CEP95: variants seen among roughly 807,000 people sequenced by gnomAD.
The protein encoded by CEP95 is centrosomal protein 95.
CEP95 carries 98 observed loss-of-function variants against 111.2 expected under a neutral mutation model. The ratio of observed to expected loss-of-function variants is 0.88; its 90% CI spans 0.75 to 1.04. The LOEUF is 1.04. Ranked by LOEUF, CEP95 falls within the 50% of genes least tolerant of loss-of-function variation. CEP95 has a pLI of 0.00. For missense variants in CEP95, 1,027 were observed against 977.2 expected (o/e 1.05, Z -0.68); for synonymous variants, 323 against 327.1 (o/e 0.99, Z 0.14).
In CEP95 at chr17:64,507,400, C is replaced by T. The variant is rs2055893177; in HGVS notation, c.19+284C>T. On this transcript the variant is annotated intron_variant, in intron 1 of 19. Coordinates refer to ENST00000556440, the MANE Select transcript of CEP95 (RefSeq NM_138363.3). ...AAAGAGCGGTCAGAAGGGTCGTCCCCGGACTTGTCTTTCTGTGGGGCGTCT... is the reference window on the plus strand; with the variant it reads ...AAAGAGCGGTCAGAAGGGTCGTCCCTGGACTTGTCTTTCTGTGGGGCGTCT... The T allele has an allele frequency of 1.1e-5, 15 of 1,376,588 alleles. No homozygotes were observed. The South Asian group carries it at 2.4e-4, about 22-fold the overall frequency. The allele number at this position is 1,376,588 out of a possible 1,614,324, so 85.3% of individuals were successfully genotyped here.
At chr17:64,521,257 G>C (rs1967313286) in intron 6 of CEP95, 145 bp from the exon 7 acceptor site, 1 of 606,298 alleles carries the variant, frequency 1.6e-6, no homozygotes, top group South Asian at 2.1e-5. Context: ...ATAATAATTG[G>C]TATTTTGAGC....
At chr17:64,510,136 C>A in intron 2 of CEP95, 37 bp from the exon 3 acceptor site, 1 of 1,279,420 alleles carries the variant, frequency 7.8e-7, no homozygotes, top group Non-Finnish European at 1.1e-6. Flanking sequence ...CTTGGCCTCT[C>A]ATGGATACAA....
At position 64,527,168 on chromosome 17, in the gene CEP95, A is replaced by C; in HGVS notation, c.1210A>C (p.Asn404His). Residue 404 changes from asparagine (N) to histidine (H), a missense_variant, in exon 11 of 20, where the codon AAT (asparagine) becomes CAT (histidine). By Grantham distance (68) the Asn-to-His change is moderately conservative. Coordinates refer to ENST00000556440, the MANE Select transcript of CEP95 (RefSeq NM_138363.3). ...IKEKTDHKEE[N>H]TGNEEVEDGT... ...AGAAAAGACTGACCATAAAGAAGAA[A>C]ATACTGGAAATGAGGAGGTAGAGGA... The C allele has an allele frequency of 3.7e-6, 6 of 1,613,610 alleles. No individual in the cohort carries two copies. Among genetic ancestry groups the C allele is most frequent in the Non-Finnish European group, 5.1e-6 (6 of 1,179,632 alleles).
intron 19 of CEP95, 144 bp from the exon 20 acceptor site, chr17:64,537,459 T>G (rs1968736164): frequency 7.2e-7 from 1 of 1,386,542 alleles, no homozygotes; most frequent in Non-Finnish European, 9.3e-7. Flanking sequence ...ATTTTAACTT[T>G]AGTTAGGTCT....
rs575945446 is a variant in CEP95, at chr17:64,522,260, CACATA to C, written c.716-432_716-428del. Among the ~76,000 whole-genome samples, 27 of 152,266 alleles carry C rather than the reference CACATA, an allele frequency of 1.8e-4. No individual in the cohort carries two copies. The South Asian group carries it at 4.2e-3, about 23-fold the overall frequency. On this transcript the variant is annotated intron_variant, in intron 7 of 19. Coordinates refer to ENST00000556440, the MANE Select transcript of CEP95 (RefSeq NM_138363.3). The stretch of plus-strand genomic sequence containing the variant: ...TTTGTAACGTGGACGAACCATAATT[CACATA>C]ACATAACATTCTTCAAGCCATTTAA...
rs1967057638 is a variant in CEP95, at chr17:64,518,579, C to G, written c.474-742C>G. 2.0e-5 allele frequency among the ~76,000 whole-genome samples: 3 copies of G among 152,182 alleles called. No individual in the cohort carries two copies. The South Asian group carries it at 6.2e-4, about 31-fold the overall frequency. Reference sequence around the variant, plus strand: ...CACTTCTTGCTAACTAGAGGTTGAGCATAATGCTATGTCTTCATGGTTCGA... The same window carrying G: ...CACTTCTTGCTAACTAGAGGTTGAGGATAATGCTATGTCTTCATGGTTCGA... On this transcript the variant is annotated intron_variant, in intron 5 of 19. Transcript: ENST00000556440.
chr17:64,512,520 T>C (rs2038950461), intron 3 of CEP95, among the ~76,000 whole-genome samples: 1 of 152,202 alleles, frequency 6.6e-6, no homozygotes, highest in Non-Finnish European at 1.5e-5. Context: ...GAATGATTAT[T>C]CCAGTAAGTT....
chr17:64,527,866 GTGTGTATATA>G (rs1419393290), intron 11 of CEP95, among the ~76,000 whole-genome samples: 1 of 124,226 alleles, frequency 8.0e-6, no homozygotes, highest in African/African-American at 3.1e-5. Flanking sequence ...GTGTGTGTGT[GTGTGTATATA>G]TATATATATA....
chr17:64,528,029 G>A (rs1302034824), intron 11 of CEP95, among the ~76,000 whole-genome samples: 2 of 151,900 alleles, frequency 1.3e-5, no homozygotes, highest in East Asian at 3.9e-4. Context: ...TCTCCATCTA[G>A]TAGGATTGCT....
At chr17:64,507,547 T>G in intron 1 of CEP95, 2 of 1,066,118 alleles carry the variant, frequency 1.9e-6, no homozygotes, top group Non-Finnish European at 2.3e-6. Flanking sequence ...AATAGTAGAA[T>G]ATGCCCCTGT....
Position 64,534,698 on chromosome 17 carries a change from G to A in CEP95, c.2031G>A (p.Leu677=), listed in dbSNP as rs1555681178. Residue 677 remains leucine (L), a synonymous_variant, in exon 17 of 20, where the codon TTG becomes TTA. Transcript: ENST00000556440. ...ATTATGATGATTATAGAGTTCAGTT[G>A]TGTGCAAAAATGATGAGAATGAGGA... ...RKYYDDYRVQ[L]CAKMMRMRTR... 7.4e-6 allele frequency: 12 copies of A among 1,613,100 alleles called. No individual in the cohort carries two copies. The South Asian group carries it at 1.3e-4, about 18-fold the overall frequency.
chr17:64,536,375 G>A (rs1968655368), intron 17 of CEP95: 2 of 288,850 alleles, frequency 6.9e-6, no homozygotes, highest in Non-Finnish European at 1.3e-5. Flanking sequence ...CTTGAGCCTG[G>A]GAGGTCAAGG....
chr17:64,531,723 A>G (rs1380817725), intron 13 of CEP95, among the ~76,000 whole-genome samples, 167 bp from the exon 14 acceptor site: 1 of 152,212 alleles, frequency 6.6e-6, no homozygotes, highest in Non-Finnish European at 1.5e-5. Flanking sequence ...GAGTAAATGA[A>G]TATTAACCAG....
chr17:64,524,604 C>T (rs1378198630), intron 8 of CEP95, among the ~76,000 whole-genome samples: 1 of 152,016 alleles, frequency 6.6e-6, no homozygotes, highest in Non-Finnish European at 1.5e-5. Context: ...AATCACCATA[C>T]CCAGCCTACT....
At chr17:64,509,210 C>G (rs551968384) in intron 2 of CEP95, among the ~76,000 whole-genome samples, 1 of 152,190 alleles carries the variant, frequency 6.6e-6, no homozygotes, top group Non-Finnish European at 1.5e-5. Context: ...CGCATATGTC[C>G]TTTCATCTTG....
chr17:64,520,521 G>C (rs550407206), intron 6 of CEP95: 1 of 148,198 alleles, frequency 6.7e-6, no homozygotes, highest in African/African-American at 2.5e-5. Flanking sequence ...GTGCGGTGGC[G>C]CAATCTCGGC....
intron 6 of CEP95, 83 bp downstream of exon 6, chr17:64,519,519 T>G: frequency 9.9e-7 from 1 of 1,007,294 alleles, no homozygotes; most frequent in East Asian, 2.4e-5. Flanking sequence ...TGTTTAAAAT[T>G]GAGAAGAATA....
intron 16 of CEP95, chr17:64,534,256 T>C (rs1016126273): frequency 9.5e-5 from 24 of 252,222 alleles, no homozygotes; most frequent in African/African-American, 5.2e-4. Context: ...TGCTTGAAAG[T>C]CTGGGTGTGC....
intron 16 of CEP95, chr17:64,534,292 C>T: frequency 3.3e-6 from 1 of 307,224 alleles, no homozygotes; most frequent in East Asian, 6.3e-5. Flanking sequence ...TGTGAGGTGG[C>T]ATCTGGGCCA....
Sources: allele counts gnomAD v4.1 joint callset (sites outside exome capture counted in the v4.1 genomes callset), GRCh38; gene constraint gnomAD v4.1.1; transcripts MANE v1.5; gene names NCBI Gene and HGNC (gene_info 2026-07-23, HGNC 2026-07-21).